The following THSD7B variants were observed in gnomAD, a reference collection of about 807,000 sequenced individuals.
THSD7B encodes the protein thrombospondin type-1 domain-containing protein 7B.
In THSD7B, 138 loss-of-function variants were observed where a neutral mutation model predicts 213.6. That is an observed-to-expected ratio of 0.65 (90% CI 0.56 to 0.74). The LOEUF (loss-of-function observed/expected upper bound fraction) is 0.74. THSD7B is among the 30% of genes least tolerant of loss of function. THSD7B has a pLI of 0.00. For missense variants in THSD7B, 1,931 were observed against 1,991.5 expected (o/e 0.97, Z 0.58); for synonymous variants, 742 against 687.0 (o/e 1.08, Z -1.25).
At chr2:137,542,963 T>C in intron 15 of THSD7B, among the ~76,000 whole-genome samples, 1 of 151,812 alleles carries the variant, frequency 6.6e-6, no homozygotes, top group East Asian at 1.9e-4. Flanking sequence ...AGCTTTATTA[T>C]CTTATAGTTC....
rs543763758 is a variant in THSD7B at position 136,833,734 on chromosome 2, C to A, written c.-35-48410C>A. ...GGTCAAGTAGAATAATTTAGACCAT[C>A]ATTAAGCGTCTTTCTTTCTCATATG... is the stretch of plus-strand genomic sequence containing the variant. On this transcript the variant is annotated intron_variant, in intron 1 of 27. Coordinates refer to ENST00000409968, the MANE Select transcript of THSD7B (RefSeq NM_001316349.2). Among the ~76,000 whole-genome samples the A allele has an allele frequency of 7.2e-5, 11 of 152,298 alleles. No homozygotes were observed. In the East Asian group the frequency reaches 1.9e-3, roughly 27 times the overall value.
chr2:137,428,125 T>C (rs1687099648), intron 14 of THSD7B, among the ~76,000 whole-genome samples: 1 of 152,180 alleles, frequency 6.6e-6, no homozygotes, highest in Non-Finnish European at 1.5e-5. Flanking sequence ...TTTGTCCTTT[T>C]ATTCTTGATG....
chr2:137,436,971 C>T (rs1687306458), intron 14 of THSD7B, among the ~76,000 whole-genome samples: 1 of 152,110 alleles, frequency 6.6e-6, no homozygotes, highest in African/African-American at 2.4e-5. Context: ...ATTTTGCACA[C>T]ACCTAGGTAT....
At chr2:136,931,732 T>C (rs1310019505) in intron 2 of THSD7B, among the ~76,000 whole-genome samples, 1 of 152,182 alleles carries the variant, frequency 6.6e-6, no homozygotes, top group Non-Finnish European at 1.5e-5. Flanking sequence ...CAGTCCATGA[T>C]ACATTCTACA....
At chr2:137,075,254 G>T (rs575394068) in intron 3 of THSD7B, among the ~76,000 whole-genome samples, 43 of 152,256 alleles carry the variant, frequency 2.8e-4, no homozygotes, top group Non-Finnish European at 4.3e-4. Context: ...TTTTCACATA[G>T]TCCCATATTT....
intron 17 of THSD7B, among the ~76,000 whole-genome samples, chr2:137,581,888 A>G (rs1226702931): frequency 1.3e-5 from 2 of 151,798 alleles, no homozygotes; most frequent in Admixed American, 6.6e-5. Context: ...ACTTGAGGTC[A>G]GGAGTTGAGA....
intron 10 of THSD7B, among the ~76,000 whole-genome samples, chr2:137,261,151 G>T (rs912877117): frequency 8.6e-5 from 13 of 151,970 alleles, no homozygotes; most frequent in African/African-American, 3.1e-4. Flanking sequence ...ACCTAGAGAG[G>T]CTCACTGTTC....
At chr2:137,643,437 T>C (rs1558869476) in intron 21 of THSD7B, among the ~76,000 whole-genome samples, 2 of 152,214 alleles carry the variant, frequency 1.3e-5, no homozygotes, top group Admixed American at 6.5e-5. Context: ...CATTATTATC[T>C]TGCAAAAGTT....
chr2:137,635,399 C>T (rs1337496900), intron 20 of THSD7B, among the ~76,000 whole-genome samples: 3 of 152,202 alleles, frequency 2.0e-5, no homozygotes, highest in East Asian at 1.9e-4. Flanking sequence ...GGAAATTCTT[C>T]CCCTCTGACT....
intron 2 of THSD7B, among the ~76,000 whole-genome samples, chr2:136,935,626 A>C (rs1684710432): frequency 6.6e-6 from 1 of 152,072 alleles, no homozygotes; most frequent in South Asian, 2.1e-4. Flanking sequence ...TAGTATATTG[A>C]GATTCAGATT....
At chr2:137,291,127 C>T (rs146205057) in intron 12 of THSD7B, among the ~76,000 whole-genome samples, 96 of 152,250 alleles carry the variant, frequency 6.3e-4, no homozygotes, top group African/African-American at 2.3e-3. Context: ...CCAGGCATTA[C>T]CCATAATCTA....
At chr2:137,080,173 T>TGC (rs1253102713) in intron 3 of THSD7B, among the ~76,000 whole-genome samples, 2 of 150,992 alleles carry the variant, frequency 1.3e-5, no homozygotes, top group African/African-American at 4.9e-5. Context: ...AATATATGTG[T>TGC]GTGTGTGTGT....
chr2:136,967,758 C>A (rs993175408), intron 2 of THSD7B, among the ~76,000 whole-genome samples: 7 of 152,270 alleles, frequency 4.6e-5, no homozygotes, highest in Non-Finnish European at 8.8e-5. Flanking sequence ...GAGGAAAGCA[C>A]TTTCCTTGAT....
intron 2 of THSD7B, among the ~76,000 whole-genome samples, chr2:136,894,408 A>G (rs1174300903): frequency 6.6e-6 from 1 of 152,202 alleles, no homozygotes; most frequent in Non-Finnish European, 1.5e-5. Flanking sequence ...GAGCATGGAC[A>G]CTGGAATCAG....
At chr2:137,422,589 A>T (rs1313079940) in intron 14 of THSD7B, among the ~76,000 whole-genome samples, 1 of 152,330 alleles carries the variant, frequency 6.6e-6, no homozygotes, top group East Asian at 1.9e-4. Context: ...TCAATGGAAC[A>T]TCTAGTTTTC....
At chr2:136,998,042 C>T (rs145217280) in intron 2 of THSD7B, among the ~76,000 whole-genome samples, 1 of 152,022 alleles carries the variant, frequency 6.6e-6, no homozygotes, top group Admixed American at 6.5e-5. Flanking sequence ...GAGCAAGGAG[C>T]TCGGGACAGG....
chr2:137,104,006 T>G (rs1441115248), intron 4 of THSD7B, among the ~76,000 whole-genome samples: 1 of 152,188 alleles, frequency 6.6e-6, no homozygotes, highest in South Asian at 2.1e-4. Flanking sequence ...ATTTAGGACT[T>G]GAACTCAGCT....
chr2:137,570,151 C>T (rs908107652), intron 16 of THSD7B, among the ~76,000 whole-genome samples: 44 of 151,888 alleles, frequency 2.9e-4, no homozygotes, highest in Non-Finnish European at 1.3e-4. Context: ...GGCATTATTA[C>T]AACTTTTTTG....
intron 15 of THSD7B, among the ~76,000 whole-genome samples, chr2:137,460,983 G>A (rs141460153): frequency 2.0e-5 from 3 of 152,062 alleles, no homozygotes; most frequent in African/African-American, 4.8e-5. Context: ...ACTCTTTCAC[G>A]TCTACCTTTT....
Sources: gnomAD v4.1 joint callset for allele counts (sites outside exome capture counted in the v4.1 genomes callset) on GRCh38, gnomAD v4.1.1 for gene constraint, MANE v1.5 for transcripts, NCBI Gene and HGNC (gene_info 2026-07-23, HGNC 2026-07-21) for gene names.